HBE1: variants seen among roughly 807,000 people sequenced by gnomAD.
The protein encoded by HBE1 is hemoglobin subunit epsilon.
HBE1 carries 10 observed loss-of-function variants against 12.1 expected under a neutral mutation model. The ratio of observed to expected loss-of-function variants is 0.83; its 90% CI spans 0.51 to 1.40. The LOEUF is 1.40. Ranked by LOEUF, HBE1 falls within the 40% of genes most tolerant of loss-of-function variation. The probability of loss-of-function intolerance (pLI) is 0.00; values close to 1 mark genes in which losing one functional copy is unlikely to be tolerated. For synonymous variants in HBE1, 78 were observed against 70.4 expected (o/e 1.11, Z -0.54); for missense variants, 172 against 175.8 (o/e 0.98, Z 0.12).
chr11:5,269,794 C>A lies in HBE1; in HGVS notation c.92+5G>T. The A allele has an allele frequency of 1.2e-6, 2 of 1,609,580 alleles. No individual in the cohort carries two copies. Among genetic ancestry groups the A allele is most frequent in the Non-Finnish European group, 1.7e-6 (2 of 1,175,908 alleles). On this transcript the variant is annotated splice_donor_5th_base_variant and intron_variant, in intron 1 of 2. Transcript: ENST00000396895. ...CATTCCCATGCATTGAGAACCAATG[C>A]TTACCTGCCCAAGGCTTCACCTCCA...
rs1175106420 is a variant in HBE1 at position 5,268,446 on chromosome 11, A to G, written c.*23T>C. On this transcript the variant is annotated 3_prime_UTR_variant, in exon 3 of 3. Transcript: ENST00000396895. Reference sequence around the variant, plus strand: ...GAAGGAGGGTGTCAGGGTCACAGGAACACCTGCAAACTGGAAGAGAACTCA... The same window carrying G: ...GAAGGAGGGTGTCAGGGTCACAGGAGCACCTGCAAACTGGAAGAGAACTCA... The G allele has an allele frequency of 6.2e-7, 1 of 1,608,992 alleles. No individual in the cohort carries two copies. Among genetic ancestry groups the G allele is most frequent in the Non-Finnish European group, 8.5e-7 (1 of 1,176,264 alleles).
chr11:5,268,484 G>A lies in HBE1; in HGVS notation c.429C>T (p.Ala143=). Residue 143 remains alanine, a synonymous_variant, in exon 3 of 3, where the codon GCC becomes GCT. Transcript: ENST00000396895. ...GGAAGAGAACTCAGTGGTACTTATG[G>A]GCCAGGGCAATGGCGACAGCAGACA... The part of the protein sequence containing the change: ...KLVSAVAIAL[A]HKYH 1.2e-6 allele frequency: 2 copies of A among 1,613,786 alleles called. No individual in the cohort carries two copies. The highest frequency in any genetic ancestry group is 1.1e-5 in the South Asian group (1 of 91,036).
rs774376321 is a variant in HBE1 at position 5,269,619 on chromosome 11, C to T, written c.150G>A (p.Ser50=). Reference sequence around the variant, plus strand: ...GGTTGCCCAGGATGGCAGAGGGAGACGACAGGTTTCCAAAGCTGTCAAAAA... The same window carrying T: ...GGTTGCCCAGGATGGCAGAGGGAGATGACAGGTTTCCAAAGCTGTCAAAAA... ...QRFFDSFGNL[S]SPSAILGNPK... The change falls in exon 2 of 3, where the codon TCG becomes TCA. Residue 50 remains serine, a synonymous_variant. Transcript: ENST00000396895. 32 of 1,613,402 alleles carry T rather than the reference C, an allele frequency of 2.0e-5. No homozygotes were observed. Among genetic ancestry groups the T allele is most frequent in the Admixed American group, 1.8e-4 (11 of 59,986 alleles).
chr11:5,269,330 G>T, intron 2 of HBE1, 124 bp downstream of exon 2: 2 of 787,494 alleles, frequency 2.5e-6, no homozygotes, highest in Non-Finnish European at 4.5e-6. Flanking sequence ...GAAGTCTGCT[G>T]TTCTAACATC....
At chr11:5,268,732 T>C in intron 2 of HBE1, 135 bp from the exon 3 acceptor site, 1 of 797,342 alleles carries the variant, frequency 1.3e-6, no homozygotes, top group Non-Finnish European at 2.0e-6. Flanking sequence ...CTCAAACTGT[T>C]CCAAGGTTTG....
At chr11:5,268,767 G>A (rs557184178) in intron 2 of HBE1, among the ~76,000 whole-genome samples, 170 bp from the exon 3 acceptor site, 1 of 152,214 alleles carries the variant, frequency 6.6e-6, no homozygotes, top group South Asian at 2.1e-4. Context: ...ATTCAGATGA[G>A]CTTAGGTTCA....
At position 5,268,460 on chromosome 11, in the gene HBE1, G is replaced by A. The variant is rs757426589; in HGVS notation, c.*9C>T. ...GGGTCACAGGAACACCTGCAAACTG[G>A]AAGAGAACTCAGTGGTACTTATGGG... is the stretch of plus-strand genomic sequence containing the variant. On this transcript the variant is annotated 3_prime_UTR_variant, in exon 3 of 3. Coordinates refer to ENST00000396895, the MANE Select transcript of HBE1 (RefSeq NM_005330.4). The A allele has an allele frequency of 1.9e-6, 3 of 1,612,530 alleles. No homozygotes were observed. The highest frequency in any genetic ancestry group is 2.5e-6 in the Non-Finnish European group (3 of 1,179,008).
Position 5,268,559 on chromosome 11 carries a change from G to A in HBE1, c.354C>T (p.His118=). The change falls in exon 3 of 3, where the codon CAC becomes CAT. Residue 118 remains histidine, a synonymous_variant. Coordinates refer to ENST00000396895, the MANE Select transcript of HBE1 (RefSeq NM_005330.4). ...CTTCAGGGGTGAACTCCTTGCCAAA[G>A]TGAGTAGCCAGAATAATCACCATCA... The part of the protein sequence containing the change: ...GNVMVIILAT[H]FGKEFTPEVQ... 1 of 1,613,616 alleles carries A rather than the reference G, an allele frequency of 6.2e-7. No homozygotes were observed. Among genetic ancestry groups the A allele is most frequent in the Non-Finnish European group, 8.5e-7 (1 of 1,179,544 alleles).
At position 5,268,498 on chromosome 11, in the gene HBE1, C is replaced by T. The variant is rs867915462; in HGVS notation, c.415G>A (p.Ala139Thr). The T allele has an allele frequency of 7.4e-6, 12 of 1,613,784 alleles. No homozygotes were observed. The highest frequency in any genetic ancestry group is 5.0e-5 in the Admixed American group (3 of 59,964). Residue 139 changes from alanine to threonine, a missense_variant, in exon 3 of 3, where the codon GCC becomes ACC. Ala to Thr is a moderately conservative substitution (Grantham distance 58, BLOSUM62 0). Coordinates refer to ENST00000396895, the MANE Select transcript of HBE1 (RefSeq NM_005330.4). Reference sequence around the variant, plus strand: ...TGGTACTTATGGGCCAGGGCAATGGCGACAGCAGACACCAGCTTCTGCCAG... The same window carrying T: ...TGGTACTTATGGGCCAGGGCAATGGTGACAGCAGACACCAGCTTCTGCCAG... ...AAWQKLVSAV[A>T]IALAHKYH
At chr11:5,269,403 T>A (rs1848166918) in intron 2 of HBE1, 51 bp downstream of exon 2, 1 of 1,234,286 alleles carries the variant, frequency 8.1e-7, no homozygotes. Flanking sequence ...GAGCTTCAAT[T>A]AATGTCAAAA....
At position 5,268,549 on chromosome 11, in the gene HBE1, C is replaced by T. The variant is rs775318961; in HGVS notation, c.364G>A (p.Glu122Lys). The part of the protein sequence containing the change: ...VIILATHFGK[E>K]FTPEVQAAWQ... ...GCAGCCTGCACTTCAGGGGTGAACT[C>T]CTTGCCAAAGTGAGTAGCCAGAATA... Residue 122 changes from glutamate (E) to lysine (K), a missense_variant, in exon 3 of 3, where the codon GAG becomes AAG. Glu to Lys is a moderately conservative substitution (Grantham distance 56). Coordinates refer to ENST00000396895, the MANE Select transcript of HBE1 (RefSeq NM_005330.4). 1 of 1,613,714 alleles carries T rather than the reference C, an allele frequency of 6.2e-7. No homozygotes were observed. Among genetic ancestry groups the T allele is most frequent in the South Asian group, 1.1e-5 (1 of 91,076 alleles).
chr11:5,269,333 C>G, intron 2 of HBE1, 121 bp downstream of exon 2: 1 of 802,022 alleles, frequency 1.2e-6, no homozygotes, highest in Non-Finnish European at 2.2e-6. Context: ...GTCTGCTGTT[C>G]TAACATCAAG....
At chr11:5,269,420 GC>G (rs767362146) in intron 2 of HBE1, 33 bp downstream of exon 2, 27 of 1,450,102 alleles carry the variant, frequency 1.9e-5, no homozygotes, top group Non-Finnish European at 2.4e-5. Context: ...AAAATATAAA[GC>G]CAAAAAATCA....
Position 5,269,806 on chromosome 11 carries a change from A to G in HBE1, c.85T>C (p.Leu29=), listed in dbSNP as rs1482695408. Residue 29 remains leucine (L), a synonymous_variant, in exon 1 of 3, where the codon TTG becomes CTG. Transcript: ENST00000396895. Reference sequence around the variant, plus strand: ...TTGAGAACCAATGCTTACCTGCCCAAGGCTTCACCTCCAGCCTCTTCCACA... The same window carrying G: ...TTGAGAACCAATGCTTACCTGCCCAGGGCTTCACCTCCAGCCTCTTCCACA... ...MNVEEAGGEA[L]GRLLVVYPWT... is the part of the protein sequence containing the mutation. 6.2e-7 allele frequency: 1 copy of G among 1,612,210 alleles called. No individual in the cohort carries two copies. The highest frequency in any genetic ancestry group is 1.1e-5 in the South Asian group (1 of 91,044).
chr11:5,268,648 C>T (rs370379062), intron 2 of HBE1, 51 bp from the exon 3 acceptor site: 40 of 1,513,572 alleles, frequency 2.6e-5, no homozygotes, highest in African/African-American at 1.9e-4. Context: ...TAGAAGTTTC[C>T]GAAAACAACT....
rs375605485 is a variant in HBE1 at position 5,268,493 on chromosome 11, A to T, written c.420T>A (p.Ile140=). ...CTCAGTGGTACTTATGGGCCAGGGC[A>T]ATGGCGACAGCAGACACCAGCTTCT... ...AWQKLVSAVA[I]ALAHKYH The change falls in exon 3 of 3, where the codon ATT becomes ATA. Residue 140 remains isoleucine (I), a synonymous_variant. Coordinates refer to ENST00000396895, the MANE Select transcript of HBE1 (RefSeq NM_005330.4). The T allele has an allele frequency of 1.2e-4, 201 of 1,613,876 alleles. No homozygotes were observed. Among genetic ancestry groups the T allele is most frequent in the Non-Finnish European group, 1.6e-4 (193 of 1,179,916 alleles).
At chr11:5,268,708 T>A (rs1181658386) in intron 2 of HBE1, 111 bp from the exon 3 acceptor site, 3 of 985,812 alleles carry the variant, frequency 3.0e-6, no homozygotes, top group African/African-American at 1.6e-5. Context: ...CCTACATTCC[T>A]AGACAACCCT....
Position 5,268,516 on chromosome 11 carries a change from T to C in HBE1, c.397A>G (p.Lys133Glu). ...FTPEVQAAWQ[K>E]LVSAVAIALA... ...GCAATGGCGACAGCAGACACCAGCT[T>C]CTGCCAGGCAGCCTGCACTTCAGGG... Residue 133 changes from lysine (K) to glutamate (E), a missense_variant, in exon 3 of 3, where the codon AAG (lysine) becomes GAG (glutamate). Physicochemically the swap from Lys to Glu is moderately conservative, Grantham distance 56 (BLOSUM62 1). Coordinates refer to ENST00000396895, the MANE Select transcript of HBE1 (RefSeq NM_005330.4). 1 of 1,613,946 alleles carries C rather than the reference T, an allele frequency of 6.2e-7. No homozygotes were observed. The highest frequency in any genetic ancestry group is 1.3e-5 in the African/African-American group (1 of 75,038).
At position 5,268,377 on chromosome 11, in the gene HBE1, A is replaced by AAC; in HGVS notation, c.*90_*91dup. 1 of 1,165,072 alleles carries AAC rather than the reference A, an allele frequency of 8.6e-7. No homozygotes were observed. The highest frequency in any genetic ancestry group is 1.2e-6 in the Non-Finnish European group (1 of 824,672). 72.2% of individuals were successfully genotyped at this position (1,165,072 alleles called of 1,614,324 possible). Reference sequence around the variant, plus strand: ...TTACTGAAGAAAATGTACTTTATTAAACAGAAGGCTTTCTCTCAAGGCCAA... The same window carrying AAC: ...TTACTGAAGAAAATGTACTTTATTAAACACAGAAGGCTTTCTCTCAAGGCCAA... On this transcript the variant is annotated 3_prime_UTR_variant, in exon 3 of 3. Transcript: ENST00000396895.
Sources: allele counts gnomAD v4.1 joint callset (sites outside exome capture counted in the v4.1 genomes callset), GRCh38; gene constraint gnomAD v4.1.1; transcripts MANE v1.5; gene names NCBI Gene and HGNC (gene_info 2026-07-23, HGNC 2026-07-21).